CDH12: variants seen among roughly 807,000 people sequenced by gnomAD.
CDH12 encodes cadherin-12.
CDH12 carries 41 observed loss-of-function variants against 74.1 expected under a neutral mutation model. The observed-to-expected ratio is 0.55, with a 90% confidence interval of 0.43 to 0.72. The LOEUF is 0.72. Ranked by LOEUF, CDH12 falls within the 30% of genes least tolerant of loss-of-function variation. CDH12 has a pLI of 0.00. For missense variants in CDH12, 945 were observed against 977.2 expected (o/e 0.97, Z 0.44); for synonymous variants, 399 against 355.0 (o/e 1.12, Z -1.39).
chr5:22,390,580 A>AGAT (rs1430739206), intron 3 of CDH12, among the ~76,000 whole-genome samples: 1 of 39,174 alleles, frequency 2.6e-5, no homozygotes, highest in African/African-American at 9.8e-5. Context: ...ATGGAGAGAT[A>AGAT]GATAGATAGA....
intron 3 of CDH12, among the ~76,000 whole-genome samples, chr5:22,389,650 A>T (rs940222000): frequency 1.1e-3 from 154 of 138,352 alleles, no homozygotes; most frequent in African/African-American, 4.1e-3. Context: ...TAAAAAGACA[A>T]TTTTTTTTTT....
At chr5:21,986,994 C>G (rs1757544637) in intron 5 of CDH12, among the ~76,000 whole-genome samples, 1 of 152,040 alleles carries the variant, frequency 6.6e-6, no homozygotes, top group South Asian at 2.1e-4. Context: ...ATATGTCCTA[C>G]ACTAATTTAT....
chr5:22,588,449 A>G (rs2126795055), intron 1 of CDH12, among the ~76,000 whole-genome samples: 1 of 152,218 alleles, frequency 6.6e-6, no homozygotes, highest in South Asian at 2.1e-4. Flanking sequence ...GAAGTTACCG[A>G]GCAATACGAC....
chr5:22,833,587 A>G (rs541529928), intron 1 of CDH12, among the ~76,000 whole-genome samples: 1 of 152,366 alleles, frequency 6.6e-6, no homozygotes, highest in South Asian at 2.1e-4. Flanking sequence ...TATTTGGAAT[A>G]TAGAGTTATT....
At chr5:22,341,696 G>C (rs1179915492) in intron 3 of CDH12, among the ~76,000 whole-genome samples, 1 of 152,072 alleles carries the variant, frequency 6.6e-6, no homozygotes, top group African/African-American at 2.4e-5. Context: ...AGTTGTTTTA[G>C]TCATGCAGCT....
At chr5:21,946,054 T>C (rs1460860151) in intron 6 of CDH12, among the ~76,000 whole-genome samples, 1 of 151,612 alleles carries the variant, frequency 6.6e-6, no homozygotes, top group East Asian at 1.9e-4. Flanking sequence ...AAAACAATAA[T>C]GTAAACCACA....
chr5:21,768,777 C>T (rs372942304), intron 11 of CDH12, among the ~76,000 whole-genome samples: 7 of 152,062 alleles, frequency 4.6e-5, no homozygotes, highest in Non-Finnish European at 2.9e-5. Flanking sequence ...AAGCACTTAC[C>T]GCTGAATCCT....
intron 6 of CDH12, among the ~76,000 whole-genome samples, chr5:21,972,227 A>G (rs925162179): frequency 1.3e-5 from 2 of 152,096 alleles, no homozygotes; most frequent in African/African-American, 4.8e-5. Flanking sequence ...TTATTTCACT[A>G]TATGTATTTT....
At chr5:21,865,793 A>T (rs1751294142) in intron 6 of CDH12, among the ~76,000 whole-genome samples, 1 of 152,308 alleles carries the variant, frequency 6.6e-6, no homozygotes, top group East Asian at 1.9e-4. Context: ...CATACTTGTC[A>T]CAAGGGCAAA....
chr5:22,753,835 A>G (rs1475715950), intron 1 of CDH12, among the ~76,000 whole-genome samples: 2 of 152,090 alleles, frequency 1.3e-5, no homozygotes, highest in Non-Finnish European at 2.9e-5. Context: ...CTTAGTTCTT[A>G]AAAATTTTCC....
chr5:22,642,684 A>G (rs1460269635), intron 1 of CDH12, among the ~76,000 whole-genome samples: 1 of 152,144 alleles, frequency 6.6e-6, no homozygotes, highest in Admixed American at 6.5e-5. Context: ...TTTTTTAAAA[A>G]TTGGAATAAA....
At chr5:22,342,580 ATCCT>A (rs1739904160) in intron 3 of CDH12, among the ~76,000 whole-genome samples, 2 of 72,742 alleles carry the variant, frequency 2.7e-5, no homozygotes, top group East Asian at 4.9e-4. Flanking sequence ...CCCTCCCTCC[ATCCT>A]TCCTTCCTTT....
At chr5:21,957,113 G>A (rs977209106) in intron 6 of CDH12, among the ~76,000 whole-genome samples, 1 of 152,048 alleles carries the variant, frequency 6.6e-6, no homozygotes, top group African/African-American at 2.4e-5. Flanking sequence ...CATTCTTTGT[G>A]TCCATGTGTT....
intron 2 of CDH12, among the ~76,000 whole-genome samples, chr5:22,406,348 C>A (rs1000445027): frequency 6.6e-6 from 1 of 152,110 alleles, no homozygotes; most frequent in African/African-American, 2.4e-5. Flanking sequence ...ATCCTGTAAT[C>A]TCTTCACTAC....
intron 4 of CDH12, among the ~76,000 whole-genome samples, chr5:22,108,649 A>C (rs1441475567): frequency 6.6e-6 from 1 of 152,230 alleles, no homozygotes; most frequent in Non-Finnish European, 1.5e-5. Flanking sequence ...AGAGAGAAAA[A>C]AGTAGATAGG....
chr5:22,788,939 G>A (rs549988420), intron 1 of CDH12, among the ~76,000 whole-genome samples: 1 of 151,768 alleles, frequency 6.6e-6, no homozygotes, highest in African/African-American at 2.4e-5. Flanking sequence ...ACAGAATCAT[G>A]CATATACCAT....
intron 3 of CDH12, among the ~76,000 whole-genome samples, chr5:22,276,113 A>AC (rs1229335689): frequency 1.3e-5 from 2 of 152,204 alleles, no homozygotes; most frequent in Non-Finnish European, 2.9e-5. Flanking sequence ...TAGTTAATTG[A>AC]TGCCATGTAG....
At chr5:22,773,842 A>C (rs1287193668) in intron 1 of CDH12, among the ~76,000 whole-genome samples, 1 of 152,134 alleles carries the variant, frequency 6.6e-6, no homozygotes, top group East Asian at 1.9e-4. Flanking sequence ...AGACATGGAC[A>C]CTTCTTGGAA....
chr5:22,320,806 T>C (rs1419557803), intron 3 of CDH12, among the ~76,000 whole-genome samples: 1 of 152,326 alleles, frequency 6.6e-6, no homozygotes. Context: ...TTATAGTACT[T>C]ATTTGTCACT....
Sources: gnomAD v4.1 joint callset for allele counts (sites outside exome capture counted in the v4.1 genomes callset) on GRCh38, gnomAD v4.1.1 for gene constraint, MANE v1.5 for transcripts, NCBI Gene and HGNC (gene_info 2026-07-23, HGNC 2026-07-21) for gene names.